The following NFKBIZ variants were observed in gnomAD, a reference collection of about 807,000 sequenced individuals.
NFKBIZ encodes NF-kappa-B inhibitor zeta.
A neutral mutation model predicts 76.8 loss-of-function variants in NFKBIZ; 19 were observed. That is an observed-to-expected ratio of 0.25 (90% CI 0.17 to 0.36). The LOEUF (loss-of-function observed/expected upper bound fraction) is 0.36. NFKBIZ is among the 10% of genes least tolerant of loss of function. NFKBIZ has a pLI of 1.00. For synonymous variants in NFKBIZ, 368 were observed against 354.8 expected (o/e 1.04, Z -0.42); for missense variants, 829 against 910.9 (o/e 0.91, Z 1.16).
Position 101,834,309 on chromosome 3 carries a change from C to T in NFKBIZ, c.-12+4621C>T, listed in dbSNP as rs539081499. On this transcript the variant is annotated intron_variant, in intron 2 of 12. Coordinates refer to the NFKBIZ transcript ENST00000394054. ...CCTGCCCTGCCCTGCCCTTCCCTTA[C>T]CTCCTTCTCTCTCTCTCTCCTTCTC... 2.6e-5 allele frequency among the ~76,000 whole-genome samples: 4 copies of T among 151,670 alleles called. No individual in the cohort carries two copies. The East Asian group carries it at 7.8e-4, about 29-fold the overall frequency.
upstream of NFKBIZ, among the ~76,000 whole-genome samples, chr3:101,848,500 T>G (rs1177515093): frequency 6.6e-6 from 1 of 152,250 alleles, no homozygotes; most frequent in Non-Finnish European, 1.5e-5. Flanking sequence ...GGTGGCTCAC[T>G]GAACTTTGTA....
chr3:101,834,404 A>G (rs899643628), intron 2 of NFKBIZ, among the ~76,000 whole-genome samples: 3 of 150,414 alleles, frequency 2.0e-5, no homozygotes, highest in Non-Finnish European at 4.4e-5. Flanking sequence ...TCTGTTACCC[A>G]GGCTGGAGTG....
At chr3:101,847,269 G>T (rs569774162), upstream of NFKBIZ, among the ~76,000 whole-genome samples, 1 of 152,362 alleles carries the variant, frequency 6.6e-6, no homozygotes, top group Admixed American at 6.5e-5. Flanking sequence ...CTTATTTGGA[G>T]CATCTTTTAA....
At chr3:101,858,851 C>G (rs968560851) in intron 11 of NFKBIZ, among the ~76,000 whole-genome samples, 4 of 151,880 alleles carry the variant, frequency 2.6e-5, no homozygotes, top group African/African-American at 9.7e-5. Flanking sequence ...ATCATGACAG[C>G]TGTTTTGACT....
intron 2 of NFKBIZ, among the ~76,000 whole-genome samples, chr3:101,836,512 G>A (rs914721121): frequency 2.0e-5 from 3 of 152,178 alleles, no homozygotes; most frequent in African/African-American, 7.2e-5. Flanking sequence ...GGCATCGATG[G>A]CCTTTCTGTT....
chr3:101,842,205 T>C (rs1356535887), intron 2 of NFKBIZ, among the ~76,000 whole-genome samples: 1 of 152,140 alleles, frequency 6.6e-6, no homozygotes, highest in African/African-American at 2.4e-5. Flanking sequence ...TAAGTGAGTC[T>C]TGAGTGAGTG....
At position 101,852,877 on chromosome 3, in the gene NFKBIZ, T is replaced by C; in HGVS notation, c.461-9T>C. The C allele has an allele frequency of 2.5e-6, 4 of 1,611,938 alleles. No individual in the cohort carries two copies. The highest frequency in any genetic ancestry group is 3.4e-6 in the Non-Finnish European group (4 of 1,178,258). On this transcript the variant is annotated splice_polypyrimidine_tract_variant and intron_variant, in intron 3 of 11. Coordinates refer to ENST00000326172, the MANE Select transcript of NFKBIZ (RefSeq NM_031419.4). ...AATGATGACAGAGGCTGTATTCCTTTGGGTACAGAATTGAAGAACACAGTA... is the reference window on the plus strand; with the variant it reads ...AATGATGACAGAGGCTGTATTCCTTCGGGTACAGAATTGAAGAACACAGTA...
rs1298944187 is a variant in NFKBIZ at position 101,854,008 on chromosome 3, C to G, written c.1337+145C>G. ...TGACTGGTGTAGATAGAAACCGCCACTCAGTGATAGCTAGTATGTCAAGAA... is the reference window on the plus strand; with the variant it reads ...TGACTGGTGTAGATAGAAACCGCCAGTCAGTGATAGCTAGTATGTCAAGAA... On this transcript the variant is annotated intron_variant, in intron 5 of 11. Coordinates refer to ENST00000326172, the MANE Select transcript of NFKBIZ (RefSeq NM_031419.4). 6 of 792,840 alleles carry G rather than the reference C, an allele frequency of 7.6e-6. No homozygotes were observed. In the Admixed American group the frequency reaches 1.2e-4, roughly 15 times the overall value. 49.1% of individuals were successfully genotyped at this position (792,840 alleles called of 1,614,324 possible).
chr3:101,858,734 T>G (rs943561854), intron 11 of NFKBIZ, among the ~76,000 whole-genome samples: 2 of 152,166 alleles, frequency 1.3e-5, no homozygotes, highest in African/African-American at 2.4e-5. Flanking sequence ...GGCTGAGAGA[T>G]AGAAAATAAA....
chr3:101,854,913 A>G, intron 6 of NFKBIZ, 149 bp from the exon 7 acceptor site: 1 of 917,040 alleles, frequency 1.1e-6, no homozygotes, highest in Non-Finnish European at 1.6e-6. Flanking sequence ...GGCTTACTTT[A>G]GTTTCCTTGT....
rs1943070306 is a variant in NFKBIZ at position 101,857,616 on chromosome 3, A to G, written c.2103+157A>G. ...GTAGCTGTCATAGCATTGTGGAGTTACTCTTCGTTTGGAAACAGCAATTAA... is the reference window on the plus strand; with the variant it reads ...GTAGCTGTCATAGCATTGTGGAGTTGCTCTTCGTTTGGAAACAGCAATTAA... On this transcript the variant is annotated intron_variant, in intron 11 of 11. Coordinates refer to ENST00000326172, the MANE Select transcript of NFKBIZ (RefSeq NM_031419.4). 8 of 985,310 alleles carry G rather than the reference A, an allele frequency of 8.1e-6. No individual in the cohort carries two copies. In the South Asian group the frequency reaches 2.3e-4, roughly 29 times the overall value. The allele number at this position is 985,310 out of a possible 1,614,324, so 61.0% of individuals were successfully genotyped here.
intron 2 of NFKBIZ, among the ~76,000 whole-genome samples, chr3:101,844,044 C>A (rs1942819449): frequency 6.6e-6 from 1 of 152,178 alleles, no homozygotes; most frequent in Admixed American, 6.5e-5. Context: ...AACACAAAAC[C>A]AAACCAAACC....
At position 101,849,842 on chromosome 3, in the gene NFKBIZ, T is replaced by A; in HGVS notation, c.214T>A (p.Ser72Thr). The part of the protein sequence containing the change: ...SPGSDSSDFS[S>T]ASSVSSCGAV... The stretch of plus-strand genomic sequence containing the variant: ...CGGCTCCGACTCCTCCGACTTCTCC[T>A]CTGCCTCGTCGGTGTCCTCCTGCGG... The change falls in exon 1 of 12, where the codon TCT becomes ACT. Residue 72 changes from serine to threonine, a missense_variant. Ser to Thr is a moderately conservative substitution (Grantham distance 58, BLOSUM62 1). Around this residue, in one of 4 missense-constraint regions of NFKBIZ, gnomAD observed 181 missense variants for 175.3 expected, o/e 1.03. Coordinates refer to ENST00000326172, the MANE Select transcript of NFKBIZ (RefSeq NM_031419.4). The A allele has an allele frequency of 6.8e-7, 1 of 1,472,528 alleles. No homozygotes were observed. The highest frequency in any genetic ancestry group is 8.9e-7 in the Non-Finnish European group (1 of 1,119,502). The allele number at this position is 1,472,528 out of a possible 1,614,324, so 91.2% of individuals were successfully genotyped here.
At chr3:101,841,842 G>A (rs533975046) in intron 2 of NFKBIZ, among the ~76,000 whole-genome samples, 36 of 152,302 alleles carry the variant, frequency 2.4e-4, no homozygotes, top group African/African-American at 8.2e-4. Context: ...TGCAGAGAAT[G>A]AGGAGATTCT....
chr3:101,836,749 C>G (rs1301966298), intron 2 of NFKBIZ, among the ~76,000 whole-genome samples: 1 of 152,180 alleles, frequency 6.6e-6, no homozygotes, highest in East Asian at 1.9e-4. Context: ...TTGAGAATCT[C>G]TAAATATCCA....
chr3:101,836,770 T>C (rs1576806666), intron 2 of NFKBIZ, among the ~76,000 whole-genome samples: 1 of 152,282 alleles, frequency 6.6e-6, no homozygotes, highest in East Asian at 1.9e-4. Context: ...ACCTAAAAAC[T>C]TGGGTTTGTT....
intron 1 of NFKBIZ, among the ~76,000 whole-genome samples, chr3:101,850,957 A>G (rs186707955): frequency 6.6e-6 from 1 of 152,332 alleles, no homozygotes. Flanking sequence ...GGGATTTCTG[A>G]AACTGCATTT....
intron 2 of NFKBIZ, among the ~76,000 whole-genome samples, chr3:101,834,660 C>G (rs1283532600): frequency 6.6e-6 from 1 of 152,224 alleles, no homozygotes; most frequent in African/African-American, 2.4e-5. Flanking sequence ...CACACCCGGC[C>G]CCTCCCCTGT....
At position 101,855,538 on chromosome 3, in the gene NFKBIZ, G is replaced by A. The variant is rs1483726599; in HGVS notation, c.1654+80G>A. ...CTAAGGGTGCTAAGTATACTAAGAA[G>A]GAAGGTAATTAAAGCTAAAATATTC... On this transcript the variant is annotated intron_variant, in intron 8 of 11. Coordinates refer to ENST00000326172, the MANE Select transcript of NFKBIZ (RefSeq NM_031419.4). 10 of 1,388,126 alleles carry A rather than the reference G, an allele frequency of 7.2e-6. No individual in the cohort carries two copies. In the East Asian group the frequency reaches 1.8e-4, roughly 25 times the overall value. The allele number at this position is 1,388,126 out of a possible 1,614,324, so 86.0% of individuals were successfully genotyped here.
Sources: gnomAD v4.1 joint callset for allele counts (sites outside exome capture counted in the v4.1 genomes callset) on GRCh38, gnomAD v4.1.1 for gene constraint, gnomAD v4.1.1 regional missense constraint, MANE v1.5 for transcripts, NCBI Gene and HGNC (gene_info 2026-07-23, HGNC 2026-07-21) for gene names.